Variants in CENPF observed in about 807,000 individuals in gnomAD.
CENPF encodes the protein AH antigen.
In CENPF, 214 loss-of-function variants were observed where a neutral mutation model predicts 307.3. The ratio of observed to expected loss-of-function variants is 0.70; its 90% CI spans 0.62 to 0.78. CENPF has a LOEUF of 0.78. Ranked by LOEUF, CENPF falls within the 30% of genes least tolerant of loss-of-function variation. The pLI, the probability that CENPF is intolerant of heterozygous loss-of-function variation, is 0.00. For synonymous variants in CENPF, 1,259 were observed against 1,270.6 expected (o/e 0.99, Z 0.19); for missense variants, 3,401 against 3,483.9 (o/e 0.98, Z 0.60).
chr1:214,622,279 A>G lies in CENPF; in HGVS notation c.1066A>G (p.Lys356Glu). The G allele has an allele frequency of 6.2e-7, 1 of 1,602,000 alleles. No individual in the cohort carries two copies. The highest frequency in any genetic ancestry group is 8.5e-7 in the Non-Finnish European group (1 of 1,175,930). ...AGCACAATACGACCAGGCGTCAACC[A>G]AGGTACTTGACTTTTCGTGAATTAC... is the stretch of plus-strand genomic sequence containing the variant. ...TTAQYDQAST[K>E]YTALEQKLKK... The change falls in exon 7 of 20, where the codon AAG (lysine) becomes GAG (glutamate). Residue 356 changes from lysine (K) to glutamate (E), a missense_variant and splice_region_variant. Transcript: ENST00000366955.
intron 7 of CENPF, among the ~76,000 whole-genome samples, chr1:214,624,895 A>G (rs936381476): frequency 6.6e-6 from 1 of 152,058 alleles, no homozygotes; most frequent in South Asian, 2.1e-4. Flanking sequence ...GTCCCCACCT[A>G]TAACTGTGAT....
Position 214,642,023 on chromosome 1 carries a change from A to G in CENPF, c.3685A>G (p.Lys1229Glu). 3 of 1,610,714 alleles carry G rather than the reference A, an allele frequency of 1.9e-6. No individual in the cohort carries two copies. Among genetic ancestry groups the G allele is most frequent in the Non-Finnish European group, 2.5e-6 (3 of 1,179,224 alleles). The change falls in exon 12 of 20, where the codon AAG (lysine) becomes GAG (glutamate). Residue 1229 changes from lysine to glutamate, a missense_variant. Transcript: ENST00000366955. ...NKELKLQESE[K>E]EKECLQHELQ... is the part of the protein sequence containing the mutation. ...GGAATTAAAACTTCAGGAAAGTGAG[A>G]AGGAGAAGGAGTGCCTGCAGCATGA...
In CENPF at chr1:214,642,046, T is replaced by C. The variant is rs962329420; in HGVS notation, c.3708T>C (p.His1236=). ...AGAAGGAGAAGGAGTGCCTGCAGCA[T>C]GAATTACAGACAATTAGAGGAGATC... ...ESEKEKECLQ[H]ELQTIRGDLE... is the part of the protein sequence containing the mutation. The change falls in exon 12 of 20, where the codon CAT becomes CAC. Residue 1236 remains histidine, a synonymous_variant. Coordinates refer to ENST00000366955, the MANE Select transcript of CENPF (RefSeq NM_016343.4). 4 of 1,610,216 alleles carry C rather than the reference T, an allele frequency of 2.5e-6. No individual in the cohort carries two copies. The African/African-American group carries it at 4.0e-5, about 16-fold the overall frequency.
rs761599341 is a variant in CENPF, at chr1:214,645,003, C to G, written c.5433C>G (p.Leu1811=). 6.2e-7 allele frequency: 1 copy of G among 1,613,424 alleles called. No homozygotes were observed. Among genetic ancestry groups the G allele is most frequent in the South Asian group, 1.1e-5 (1 of 90,962 alleles). The change falls in exon 13 of 20, where the codon CTC becomes CTG. Residue 1811 remains leucine (L), a synonymous_variant. Coordinates refer to ENST00000366955, the MANE Select transcript of CENPF (RefSeq NM_016343.4). The part of the protein sequence containing the change: ...LNEMKELDSK[L]HLQEVQLMTK... ...AAATGAAAGAATTAGACTCAAAACTCCATTTACAGGAGGTACAACTAATGA... is the reference window on the plus strand; with the variant it reads ...AAATGAAAGAATTAGACTCAAAACTGCATTTACAGGAGGTACAACTAATGA...
At chr1:214,613,987 G>A (rs1657268579) in intron 2 of CENPF, 71 bp downstream of exon 2, 2 of 1,337,578 alleles carry the variant, frequency 1.5e-6, no homozygotes, top group African/African-American at 3.0e-5. Flanking sequence ...ATTTAAAACT[G>A]TTCACTCATT....
At chr1:214,649,113 CAGA>C (rs1457632262) in intron 14 of CENPF, among the ~76,000 whole-genome samples, 2 of 152,224 alleles carry the variant, frequency 1.3e-5, no homozygotes, top group East Asian at 3.8e-4. Flanking sequence ...TAACGCACAA[CAGA>C]AGTAGATCTC....
Position 214,657,230 on chromosome 1 carries a change from C to T in CENPF, c.8783C>T (p.Ala2928Val). The change falls in exon 18 of 20, where the codon GCT becomes GTT. Residue 2928 changes from alanine (A) to valine (V), a missense_variant. Ala to Val is a moderately conservative substitution (Grantham distance 64). Coordinates refer to ENST00000366955, the MANE Select transcript of CENPF (RefSeq NM_016343.4). ...AGGTTATCATCTGGCCAAAATAAAGCTTCAGGCAAGAGGCAAAGATCCAGT... is the reference window on the plus strand; with the variant it reads ...AGGTTATCATCTGGCCAAAATAAAGTTTCAGGCAAGAGGCAAAGATCCAGT... ...EKRLSSGQNK[A>V]SGKRQRSSGI... The T allele has an allele frequency of 6.2e-7, 1 of 1,614,114 alleles. No individual in the cohort carries two copies. Among genetic ancestry groups the T allele is most frequent in the Non-Finnish European group, 8.5e-7 (1 of 1,180,026 alleles).
rs1656931449 is a variant in CENPF, at chr1:214,603,261, C to G, written c.-102C>G. The G allele has an allele frequency of 6.6e-6, 1 of 152,334 alleles. No homozygotes were observed. The highest frequency in any genetic ancestry group is 6.5e-5 in the Admixed American group (1 of 15,288). 9.4% of individuals were successfully genotyped at this position (152,334 alleles called of 1,614,324 possible). A position where few individuals can be genotyped will look rare whatever the true frequency, so the allele number is the denominator to read the frequency against. On this transcript the variant is annotated 5_prime_UTR_variant, in exon 1 of 20. Coordinates refer to ENST00000366955, the MANE Select transcript of CENPF (RefSeq NM_016343.4). ...TTGAATTAGACTCTGGGCTCCAGCC[C>G]GCCGAAGCCGCGCCAGAACTGTACT... is the stretch of plus-strand genomic sequence containing the variant.
chr1:214,636,467 C>T (rs755045066), intron 10 of CENPF, among the ~76,000 whole-genome samples: 2 of 152,062 alleles, frequency 1.3e-5, no homozygotes, highest in Non-Finnish European at 2.9e-5. Flanking sequence ...GATCAGGACA[C>T]GGTAGATGGG....
At chr1:214,621,464 G>T (rs115527408) in intron 6 of CENPF, among the ~76,000 whole-genome samples, 2 of 152,324 alleles carry the variant, frequency 1.3e-5, no homozygotes, top group South Asian at 4.1e-4. Flanking sequence ...TGTAGAAGAT[G>T]ATAATTTCCA....
At chr1:214,651,151 C>T (rs1384935853) in intron 14 of CENPF, among the ~76,000 whole-genome samples, 1 of 152,152 alleles carries the variant, frequency 6.6e-6, no homozygotes, top group Non-Finnish European at 1.5e-5. Flanking sequence ...TACAGAAACA[C>T]ATACAGAGAC....
At chr1:214,655,198 AAAG>A in intron 16 of CENPF, 40 bp from the exon 17 acceptor site, 1 of 1,343,938 alleles carries the variant, frequency 7.4e-7, no homozygotes, top group Non-Finnish European at 1.0e-6. Flanking sequence ...ATGCTTATAA[AAAG>A]AAATTCAAGG....
chr1:214,645,098 G>A lies in CENPF; in HGVS notation c.5528G>A (p.Ser1843Asn). 1.2e-6 allele frequency: 2 copies of A among 1,612,830 alleles called. No individual in the cohort carries two copies. Among genetic ancestry groups the A allele is most frequent in the Non-Finnish European group, 8.5e-7 (1 of 1,179,740 alleles). ...GELKKENSDL[S>N]EKLEYFSCDH... The stretch of plus-strand genomic sequence containing the variant: ...CTTAAGAAAGAAAACTCAGATTTAA[G>A]TGAAAAATTGGAATATTTTTCTTGT... The change falls in exon 13 of 20, where the codon AGT (serine) becomes AAT (asparagine). Residue 1843 changes from serine to asparagine, a missense_variant. Physicochemically the swap from Ser to Asn is conservative, Grantham distance 46. Transcript: ENST00000366955.
chr1:214,636,457 G>A (rs1019774526), intron 10 of CENPF, among the ~76,000 whole-genome samples: 1 of 152,138 alleles, frequency 6.6e-6, no homozygotes, highest in Non-Finnish European at 1.5e-5. Context: ...AGGGAAGCAG[G>A]ATCAGGACAC....
At chr1:214,629,788 G>A (rs961049098) in intron 8 of CENPF, among the ~76,000 whole-genome samples, 3 of 152,300 alleles carry the variant, frequency 2.0e-5, no homozygotes, top group Admixed American at 1.3e-4. Flanking sequence ...CTGACCTCAG[G>A]TGATTCACCC....
chr1:214,643,266 T>C lies in CENPF; in HGVS notation c.4928T>C (p.Leu1643Pro), dbSNP rs1658185541. The C allele has an allele frequency of 1.3e-6, 2 of 1,565,812 alleles. No homozygotes were observed. The highest frequency in any genetic ancestry group is 1.7e-6 in the Non-Finnish European group (2 of 1,161,140). Residue 1643 changes from leucine (L) to proline (P), a missense_variant, in exon 12 of 20, where the codon CTC becomes CCC. Leu to Pro is a moderately conservative substitution (Grantham distance 98). Coordinates refer to ENST00000366955, the MANE Select transcript of CENPF (RefSeq NM_016343.4). ...TCACTTGAGCTGGAAGTAGCACGACTCCAGCTACAAGGTCTGGACTTAAGT... is the reference window on the plus strand; with the variant it reads ...TCACTTGAGCTGGAAGTAGCACGACCCCAGCTACAAGGTCTGGACTTAAGT... ...QLSLELEVARLQLQGLDLSSR... is the reference protein window; with the variant it reads ...QLSLELEVARPQLQGLDLSSR...
Position 214,645,342 on chromosome 1 carries a change from CTT to C in CENPF, c.5773_5774del (p.Leu1925ArgfsTer15). 6.2e-7 allele frequency: 1 copy of C among 1,613,980 alleles called. No homozygotes were observed. The highest frequency in any genetic ancestry group is 1.1e-5 in the South Asian group (1 of 91,080). On this transcript the variant is annotated frameshift_variant, in exon 13 of 20. Transcript: ENST00000366955. LOFTEE classifies it high-confidence loss of function. ...EHEALYLEAD[L>X]EVVQTEKLCL... ...ATGAAGCCCTCTACCTGGAGGCTGACTTAGAGGTAGTTCAAACAGAGAAGCTA... is the reference window on the plus strand; with the variant it reads ...ATGAAGCCCTCTACCTGGAGGCTGACAGAGGTAGTTCAAACAGAGAAGCTA...
rs376163582 is a variant in CENPF, at chr1:214,634,170, A to G, written c.1446+1568A>G. The stretch of plus-strand genomic sequence containing the variant: ...TGCATGCATCACATTTCACTGGTAT[A>G]TCATTGATGTCTGTGTCAAATGAGG... On this transcript the variant is annotated intron_variant, in intron 10 of 19. Coordinates refer to ENST00000366955, the MANE Select transcript of CENPF (RefSeq NM_016343.4). Among the ~76,000 whole-genome samples, 9 of 152,284 alleles carry G rather than the reference A, an allele frequency of 5.9e-5. No homozygotes were observed. In the South Asian group the frequency reaches 1.4e-3, roughly 25 times the overall value.
Position 214,646,449 on chromosome 1 carries a change from A to G in CENPF, c.6879A>G (p.Ile2293Met). 1.2e-6 allele frequency: 2 copies of G among 1,614,068 alleles called. No individual in the cohort carries two copies. Among genetic ancestry groups the G allele is most frequent in the East Asian group, 2.2e-5 (1 of 44,854 alleles). Reference protein sequence around the residue: ...KATEQSLDPPIEEEHQLRNSI... With the variant: ...KATEQSLDPPMEEEHQLRNSI... The stretch of plus-strand genomic sequence containing the variant: ...CAGAACAGAGTCTAGACCCACCAAT[A>G]GAGGAAGAGCATCAGCTGAGAAATA... The change falls in exon 13 of 20, where the codon ATA (isoleucine) becomes ATG (methionine). Residue 2293 changes from isoleucine (I) to methionine (M), a missense_variant. Coordinates refer to ENST00000366955, the MANE Select transcript of CENPF (RefSeq NM_016343.4).
Sources: allele counts gnomAD v4.1 joint callset (sites outside exome capture counted in the v4.1 genomes callset), GRCh38; gene constraint gnomAD v4.1.1; transcripts MANE v1.5; gene names NCBI Gene and HGNC (gene_info 2026-07-23, HGNC 2026-07-21).